The following ZBTB43 variants were observed in gnomAD, a reference collection of about 807,000 sequenced individuals.
ZBTB43 encodes zinc finger and BTB domain containing 43, also known as zinc finger and BTB domain-containing protein 43.
In ZBTB43, 6 loss-of-function variants were observed where a neutral mutation model predicts 31.1. The ratio of observed to expected loss-of-function variants is 0.19; its 90% confidence interval spans 0.11 to 0.38. The LOEUF is 0.38. Among genes scored for constraint, ZBTB43 ranks in the 10% least tolerant of loss-of-function variants. ZBTB43 has a pLI of 1.00. For synonymous variants in ZBTB43, 212 were observed against 221.7 expected, an observed-to-expected ratio of 0.96 and a Z score of 0.39; for missense variants, 379 against 602.1, an observed-to-expected ratio of 0.63 and a Z score of 3.88.
At chr9:126,815,756 GT>G (rs112977953) in intron 2 of ZBTB43, among the ~76,000 whole-genome samples, 2,082 of 148,628 alleles carry the variant, frequency 0.014, 51 homozygotes, top group African/African-American at 0.049. Context: ...TTTACCAGTT[GT>G]ATAAATCTTC....
At chr9:126,831,957 T>G (rs2032773138) in intron 2 of ZBTB43, 2 of 100,066 alleles carry the variant, frequency 2.0e-5, no homozygotes, top group Non-Finnish European at 3.6e-5. Flanking sequence ...AAACTCTATC[T>G]CAAAAAAAAA....
In ZBTB43 at chr9:126,821,237, A is replaced by G. The variant is rs114686265; in HGVS notation, c.-23-11250A>G. Among the ~76,000 whole-genome samples, 700 of 151,954 alleles carry G rather than the reference A, an allele frequency of 4.6e-3. 6 individuals carry two copies. The highest frequency in any genetic ancestry group is 0.016 in the African/African-American group (677 of 41,472). ...TATATATAAAAATTAGTGTGGTGGC[A>G]TGGTGTCACATGCCTGTAATCCCAG... On this transcript the variant is annotated intron_variant, in intron 2 of 2. Transcript: ENST00000373464.
intron 2 of ZBTB43, among the ~76,000 whole-genome samples, chr9:126,821,996 A>T (rs2032522605): frequency 6.6e-6 from 1 of 151,838 alleles, no homozygotes; most frequent in African/African-American, 2.4e-5. Flanking sequence ...CCAAGCGATT[A>T]CAGTCGCCCA....
intron 2 of ZBTB43, among the ~76,000 whole-genome samples, chr9:126,828,636 A>ATTATTATTATTATT (rs1554742709): frequency 7.7e-6 from 1 of 129,346 alleles, no homozygotes; most frequent in African/African-American, 3.1e-5. Context: ...TCTAAATAAT[A>ATTATTATTATTATT]ATAATAATAA....
chr9:126,804,506 T>TG (rs2032079212), upstream of ZBTB43, among the ~76,000 whole-genome samples: 1 of 151,882 alleles, frequency 6.6e-6, no homozygotes, highest in Admixed American at 6.6e-5. Context: ...TTGTTGTTGT[T>TG]TAAGAGTCTT....
chr9:126,818,156 TC>T (rs1394339134), intron 2 of ZBTB43, among the ~76,000 whole-genome samples: 1 of 149,010 alleles, frequency 6.7e-6, no homozygotes, highest in Non-Finnish European at 1.5e-5. Flanking sequence ...AGAATCTCCC[TC>T]TGTCACCCAG....
intron 1 of ZBTB43, among the ~76,000 whole-genome samples, chr9:126,807,480 T>TTC: frequency 6.6e-6 from 1 of 152,332 alleles, no homozygotes; most frequent in East Asian, 1.9e-4. Context: ...ACCTCAGCAG[T>TTC]TCTCTATCAT....
chr9:126,827,909 A>C (rs1015496306), intron 2 of ZBTB43, among the ~76,000 whole-genome samples: 5 of 152,024 alleles, frequency 3.3e-5, no homozygotes, highest in African/African-American at 1.2e-4. Context: ...GCTACTTGGG[A>C]GGCTGAGGCA....
rs573723595 is a variant in ZBTB43, at chr9:126,834,663, A to G, written c.*750A>G. 2 of 167,074 alleles carry G rather than the reference A, an allele frequency of 1.2e-5. No individual in the cohort carries two copies. The highest frequency in any genetic ancestry group is 6.5e-5 in the Admixed American group (1 of 15,288). The allele number at this position is 167,074 out of a possible 1,614,324, so 10.3% of individuals were successfully genotyped here. ...CAATTTTATCTAATTGTAATTCTCT[A>G]GGGTGCCAGAGATAGGTATTTCTCA... On this transcript the variant is annotated 3_prime_UTR_variant, in exon 3 of 3. Coordinates refer to ENST00000373464, the MANE Select transcript of ZBTB43 (RefSeq NM_014007.4).
chr9:126,811,223 A>G (rs2032241309), intron 2 of ZBTB43, among the ~76,000 whole-genome samples: 1 of 150,096 alleles, frequency 6.7e-6, no homozygotes, highest in Admixed American at 6.6e-5. Flanking sequence ...ATCTCAAAAA[A>G]AAAAAAAAAA....
chr9:126,814,066 T>G (rs1369971771), intron 2 of ZBTB43, among the ~76,000 whole-genome samples: 1 of 152,208 alleles, frequency 6.6e-6, no homozygotes, highest in Non-Finnish European at 1.5e-5. Context: ...TATTGATAGC[T>G]GTCTAAACCT....
chr9:126,816,015 G>A (rs78019169), intron 2 of ZBTB43, among the ~76,000 whole-genome samples: 2,115 of 152,292 alleles, frequency 0.014, 54 homozygotes, highest in African/African-American at 0.048. Flanking sequence ...GGCAGGACCA[G>A]AACTGCATTT....
chr9:126,824,680 G>A (rs528778525), intron 2 of ZBTB43, among the ~76,000 whole-genome samples: 51 of 152,270 alleles, frequency 3.3e-4, no homozygotes, highest in Non-Finnish European at 6.3e-4. Flanking sequence ...ACGTGACTAG[G>A]AGCTTCTCTC....
intron 2 of ZBTB43, among the ~76,000 whole-genome samples, chr9:126,827,322 G>T (rs902893193): frequency 1.3e-5 from 2 of 152,204 alleles, no homozygotes; most frequent in African/African-American, 4.8e-5. Flanking sequence ...AAGCTGAGCG[G>T]GTTTGCCAGA....
chr9:126,825,097 A>G (rs1231172903), intron 2 of ZBTB43, among the ~76,000 whole-genome samples: 1 of 152,018 alleles, frequency 6.6e-6, no homozygotes, highest in Non-Finnish European at 1.5e-5. Flanking sequence ...GATGCATGCC[A>G]CCATGCCTGG....
intron 2 of ZBTB43, among the ~76,000 whole-genome samples, chr9:126,830,634 G>T (rs1048574143): frequency 6.6e-6 from 1 of 152,124 alleles, no homozygotes; most frequent in African/African-American, 2.4e-5. Context: ...GGTGACAAGA[G>T]TGAGACCCTG....
intron 2 of ZBTB43, among the ~76,000 whole-genome samples, chr9:126,813,754 G>A (rs892912528): frequency 2.0e-5 from 3 of 152,160 alleles, no homozygotes; most frequent in African/African-American, 4.8e-5. Context: ...AGATTGGCTT[G>A]TAGGGTTTTT....
rs1352540255 is a variant in ZBTB43 at position 126,837,597 on chromosome 9, AG to A, written c.*3686del. The A allele has an allele frequency of 1.2e-5, 2 of 167,048 alleles. No homozygotes were observed. The highest frequency in any genetic ancestry group is 2.9e-5 in the Non-Finnish European group (2 of 68,138). 10.3% of individuals were successfully genotyped at this position (167,048 alleles called of 1,614,324 possible). ...ACGAGTCCAGGTTTTTGCTTTTGGAAGGTCTCTGATAATTTAGGGGTGCTGG... is the reference window on the plus strand; with the variant it reads ...ACGAGTCCAGGTTTTTGCTTTTGGAAGTCTCTGATAATTTAGGGGTGCTGG... On this transcript the variant is annotated 3_prime_UTR_variant, in exon 3 of 3. Transcript: ENST00000373464.
intron 2 of ZBTB43, among the ~76,000 whole-genome samples, chr9:126,812,856 G>C (rs2032279082): frequency 6.6e-6 from 1 of 152,036 alleles, no homozygotes; most frequent in Non-Finnish European, 1.5e-5. Flanking sequence ...CTCCTATTCT[G>C]TGGGTTGTGT....
Sources: allele counts gnomAD v4.1 joint callset (sites outside exome capture counted in the v4.1 genomes callset), GRCh38; gene constraint gnomAD v4.1.1; transcripts MANE v1.5; gene names NCBI Gene and HGNC (gene_info 2026-07-23, HGNC 2026-07-21).